Variants in ROBO2 observed in about 807,000 individuals in gnomAD.
ROBO2 encodes roundabout guidance receptor 2.
In ROBO2, 53 loss-of-function variants were observed where a neutral mutation model predicts 160.8. That is an observed-to-expected ratio of 0.33 (90% CI 0.26 to 0.41). The LOEUF is 0.41. Among genes scored for constraint, ROBO2 ranks in the 10% least tolerant of loss-of-function variants. ROBO2 has a pLI of 1.00. For missense variants in ROBO2, 1,577 were observed against 1,722.4 expected (o/e 0.92, Z 1.49); for synonymous variants, 664 against 611.7 (o/e 1.09, Z -1.26).
In ROBO2 at chr3:76,891,161, G is replaced by C. The variant is rs189472494; in HGVS notation, c.110-206853G>C. Among the ~76,000 whole-genome samples the C allele has an allele frequency of 5.7e-3, 870 of 152,006 alleles. 7 individuals are homozygous for C. The highest frequency in any genetic ancestry group is 0.02 in the African/African-American group (830 of 41,476). On this transcript the variant is annotated intron_variant, in intron 2 of 26. Transcript: ENST00000487694. ...AACTATCTTTACATTTCTCATGATT[G>C]ATTTTTAAATATTTCTGTATTTTTC...
intron 2 of ROBO2, among the ~76,000 whole-genome samples, chr3:77,378,740 C>G (rs1277929873): frequency 6.6e-6 from 1 of 152,100 alleles, no homozygotes; most frequent in Admixed American, 6.5e-5. Context: ...CGTCTCTGAA[C>G]CGGTGTTAGA....
Position 76,305,050 on chromosome 3 carries a change from T to C in ROBO2, c.109+367448T>C, listed in dbSNP as rs533973536. ...ATAAATAGGATATTTTACATTGCTGTTGTTGCAGAGTGTGTTGGTAATAAC... is the reference window on the plus strand; with the variant it reads ...ATAAATAGGATATTTTACATTGCTGCTGTTGCAGAGTGTGTTGGTAATAAC... On this transcript the variant is annotated intron_variant, in intron 2 of 26. Transcript: ENST00000487694. Among the ~76,000 whole-genome samples, 9 of 152,092 alleles carry C rather than the reference T, an allele frequency of 5.9e-5. No homozygotes were observed. The South Asian group carries it at 1.5e-3, about 25-fold the overall frequency.
chr3:76,766,051 C>T (rs556411932), intron 2 of ROBO2, among the ~76,000 whole-genome samples: 2 of 151,716 alleles, frequency 1.3e-5, no homozygotes, highest in African/African-American at 4.8e-5. Context: ...TTTCAAAATA[C>T]TTTTATCTAC....
chr3:76,661,698 G>T (rs762798687), intron 2 of ROBO2, among the ~76,000 whole-genome samples: 2 of 152,168 alleles, frequency 1.3e-5, no homozygotes, highest in Non-Finnish European at 2.9e-5. Flanking sequence ...AGATAAGGGG[G>T]ATTGTGGAAG....
intron 2 of ROBO2, among the ~76,000 whole-genome samples, chr3:77,130,863 T>G (rs2075793162): frequency 6.6e-6 from 1 of 152,226 alleles, no homozygotes; most frequent in Non-Finnish European, 1.5e-5. Flanking sequence ...ATATATGATT[T>G]TCCATCATTT....
chr3:77,561,445 A>C (rs2093319845), intron 9 of ROBO2, among the ~76,000 whole-genome samples: 1 of 152,118 alleles, frequency 6.6e-6, no homozygotes, highest in South Asian at 2.1e-4. Context: ...GATCACACAG[A>C]ATTTTGGAGT....
At chr3:75,937,038 A>G (rs889694499) in intron 1 of ROBO2, among the ~76,000 whole-genome samples, 13 of 152,100 alleles carry the variant, frequency 8.5e-5, no homozygotes, top group African/African-American at 3.1e-4. Flanking sequence ...TTTCAAAGGT[A>G]TTTATGCTAA....
chr3:76,150,590 A>T (rs995563670), intron 2 of ROBO2, among the ~76,000 whole-genome samples: 3 of 152,136 alleles, frequency 2.0e-5, no homozygotes, highest in African/African-American at 7.2e-5. Flanking sequence ...ATAGTTGCTG[A>T]CTTCTGTCTG....
chr3:76,382,896 A>C (rs1294592777), intron 2 of ROBO2, among the ~76,000 whole-genome samples: 2 of 152,162 alleles, frequency 1.3e-5, no homozygotes. Flanking sequence ...TGAGACTTAG[A>C]GGTTATAAGG....
At chr3:77,570,465 G>A (rs1198746305) in intron 13 of ROBO2, among the ~76,000 whole-genome samples, 1 of 151,928 alleles carries the variant, frequency 6.6e-6, no homozygotes, top group Non-Finnish European at 1.5e-5. Flanking sequence ...TTTCAGAGCA[G>A]AGTGTCTATT....
chr3:77,121,747 G>T (rs2074795621), intron 2 of ROBO2, among the ~76,000 whole-genome samples: 1 of 151,938 alleles, frequency 6.6e-6, no homozygotes, highest in Non-Finnish European at 1.5e-5. Context: ...TCTCATCAGG[G>T]TAATAATTCT....
chr3:76,862,628 A>G (rs534783484), intron 2 of ROBO2, among the ~76,000 whole-genome samples: 13 of 152,176 alleles, frequency 8.5e-5, no homozygotes, highest in African/African-American at 2.9e-4. Flanking sequence ...AGATATGGAT[A>G]TTCCTTTTCT....
intron 21 of ROBO2, among the ~76,000 whole-genome samples, chr3:77,612,976 A>T (rs555573957): frequency 2.2e-4 from 33 of 152,304 alleles, no homozygotes; most frequent in African/African-American, 7.7e-4. Flanking sequence ...AAAAATAGAA[A>T]AATTGGTGAT....
chr3:76,264,851 C>T (rs1707001574), intron 2 of ROBO2, among the ~76,000 whole-genome samples: 1 of 152,072 alleles, frequency 6.6e-6, no homozygotes, highest in Non-Finnish European at 1.5e-5. Flanking sequence ...CTGATCTCTC[C>T]ATTTAAAATC....
intron 2 of ROBO2, among the ~76,000 whole-genome samples, chr3:76,096,400 C>T (rs530403337): frequency 5.3e-5 from 8 of 152,154 alleles, no homozygotes; most frequent in South Asian, 4.1e-4. Context: ...GTATATTTTA[C>T]GGAGAAATTG....
intron 2 of ROBO2, among the ~76,000 whole-genome samples, chr3:76,708,195 C>A (rs1234283132): frequency 6.6e-6 from 1 of 152,108 alleles, no homozygotes; most frequent in Non-Finnish European, 1.5e-5. Context: ...GCCTAGAATA[C>A]CCTAGCATAG....
rs536718465 is a variant in ROBO2, at chr3:76,657,773, G to A, written c.110-440241G>A. 3.5e-5 allele frequency among the ~76,000 whole-genome samples: 5 copies of A among 143,752 alleles called. No homozygotes were observed. The South Asian group carries it at 8.8e-4, about 25-fold the overall frequency. 94.3% of individuals were successfully genotyped at this position (143,752 alleles called of 152,430 possible). On this transcript the variant is annotated intron_variant, in intron 2 of 26. Transcript: ENST00000487694. ...ATATATGTATATATATATGTTCATAGGTATGTGTATATATATGTTCATATA... is the reference window on the plus strand; with the variant it reads ...ATATATGTATATATATATGTTCATAAGTATGTGTATATATATGTTCATATA...
chr3:76,567,308 G>T (rs1447917757), intron 2 of ROBO2, among the ~76,000 whole-genome samples: 2 of 151,948 alleles, frequency 1.3e-5, no homozygotes, highest in Non-Finnish European at 2.9e-5. Flanking sequence ...TTTTGTGTTT[G>T]TGATTTTTGA....
chr3:77,123,830 A>G (rs1337348057), intron 2 of ROBO2, among the ~76,000 whole-genome samples: 1 of 149,416 alleles, frequency 6.7e-6, no homozygotes, highest in African/African-American at 2.4e-5. Context: ...ATATCTATAT[A>G]CATAGATATA....
Sources: allele counts gnomAD v4.1 joint callset (sites outside exome capture counted in the v4.1 genomes callset), GRCh38; gene constraint gnomAD v4.1.1; transcripts MANE v1.5; gene names NCBI Gene and HGNC (gene_info 2026-07-23, HGNC 2026-07-21).